The following NUB1 variants were observed in gnomAD, a reference collection of about 807,000 sequenced individuals.
The protein encoded by NUB1 is NEDD8 ultimate buster 1.
NUB1 carries 41 observed loss-of-function variants against 77.1 expected under a neutral mutation model. The ratio of observed to expected loss-of-function variants is 0.53; its 90% CI spans 0.41 to 0.69. NUB1 has a LOEUF of 0.69. Ranked by LOEUF, NUB1 falls within the 30% of genes least tolerant of loss-of-function variation. The pLI, the probability that NUB1 is intolerant of heterozygous loss-of-function variation, is 0.00. For missense variants in NUB1, 643 were observed against 743.8 expected, an observed-to-expected ratio of 0.86 and a Z score of 1.58; for synonymous variants, 257 against 281.0, an observed-to-expected ratio of 0.91 and a Z score of 0.85.
At position 151,368,803 on chromosome 7, in the gene NUB1, T is replaced by A; in HGVS notation, c.1164T>A (p.Phe388Leu). 6.2e-7 allele frequency: 1 copy of A among 1,614,052 alleles called. No individual in the cohort carries two copies. The highest frequency in any genetic ancestry group is 2.2e-5 in the East Asian group (1 of 44,886). The change falls in exon 11 of 15, where the codon TTT becomes TTA. Residue 388 changes from phenylalanine (F) to leucine (L), a missense_variant. Coordinates refer to ENST00000568733, the MANE Select transcript of NUB1 (RefSeq NM_001243351.2). Reference protein sequence around the residue: ...SKVDNLLQLGFTAQEARLGLR... With the variant: ...SKVDNLLQLGLTAQEARLGLR... ...TGGACAATTTGTTGCAGTTGGGGTT[T>A]ACTGCCCAGGAAGCCCGGCTTGGCC...
chr7:151,359,145 A>T (rs558871943), intron 7 of NUB1, among the ~76,000 whole-genome samples: 1 of 151,382 alleles, frequency 6.6e-6, no homozygotes, highest in South Asian at 2.1e-4. Context: ...GATGATTAAG[A>T]ATAGAAAGTG....
At chr7:151,375,197 C>T (rs1798159151) in intron 12 of NUB1, among the ~76,000 whole-genome samples, 1 of 152,182 alleles carries the variant, frequency 6.6e-6, no homozygotes, top group South Asian at 2.1e-4. Context: ...TAACTATGTA[C>T]ATGTATATTT....
intron 5 of NUB1, among the ~76,000 whole-genome samples, chr7:151,354,738 T>C (rs1425880345): frequency 2.0e-5 from 3 of 152,210 alleles, no homozygotes; most frequent in Non-Finnish European, 4.4e-5. Flanking sequence ...GAGCCCATGG[T>C]CTTTGCTTTT....
Position 151,360,230 on chromosome 7 carries a change from C to A in NUB1, c.783C>A (p.Asp261Glu). The change falls in exon 8 of 15, where the codon GAC (aspartate) becomes GAA (glutamate). Residue 261 changes from aspartate to glutamate, a missense_variant. Asp to Glu is a conservative substitution (Grantham distance 45). Transcript: ENST00000568733. Reference sequence around the variant, plus strand: ...GAATAGCCTTGCCATGTCTGTTGGACGCTGACAAATATTTCTGGTAGGCGC... The same window carrying A: ...GAATAGCCTTGCCATGTCTGTTGGAAGCTGACAAATATTTCTGGTAGGCGC... ...EYGIALPCLLDADKYFCECCR... is the reference protein window; with the variant it reads ...EYGIALPCLLEADKYFCECCR... The A allele has an allele frequency of 1.2e-6, 2 of 1,601,398 alleles. No individual in the cohort carries two copies. Among genetic ancestry groups the A allele is most frequent in the Non-Finnish European group, 1.7e-6 (2 of 1,168,630 alleles).
At position 151,376,812 on chromosome 7, in the gene NUB1, G is replaced by T. The variant is rs1563034033; in HGVS notation, c.1669+1G>T. ...GCCACGTCCCCTTCTGACTCCGCAGGTAGGTCTGAGGTCTTTGAGGGCCGC... is the reference window on the plus strand; with the variant it reads ...GCCACGTCCCCTTCTGACTCCGCAGTTAGGTCTGAGGTCTTTGAGGGCCGC... On this transcript the variant is annotated splice_donor_variant, in intron 14 of 14. Coordinates refer to ENST00000568733, the MANE Select transcript of NUB1 (RefSeq NM_001243351.2). LOFTEE classifies it high-confidence loss of function. The T allele has an allele frequency of 1.3e-6, 2 of 1,578,886 alleles. No homozygotes were observed. Among genetic ancestry groups the T allele is most frequent in the African/African-American group, 1.3e-5 (1 of 74,290 alleles).
intron 2 of NUB1, 123 bp downstream of exon 2, chr7:151,345,589 G>A (rs1033578035): frequency 3.6e-5 from 19 of 523,920 alleles, no homozygotes; most frequent in Middle Eastern, 4.9e-4. Flanking sequence ...AGTGGTGAGC[G>A]GGTACCCACT....
At chr7:151,354,449 C>A (rs1796965756) in intron 5 of NUB1, among the ~76,000 whole-genome samples, 1 of 152,024 alleles carries the variant, frequency 6.6e-6, no homozygotes, top group South Asian at 2.1e-4. Flanking sequence ...AATGTGTTCA[C>A]ATTTGTGTTT....
Position 151,368,892 on chromosome 7 carries a change from C to G in NUB1, c.1248+5C>G. ...CATATTACCAACCGCAGAGAGGTAC[C>G]CACTTTCACATGCCCTAGCTCTCTT... is the stretch of plus-strand genomic sequence containing the variant. On this transcript the variant is annotated splice_donor_5th_base_variant and intron_variant, in intron 11 of 14. Transcript: ENST00000568733. 1 of 1,610,290 alleles carries G rather than the reference C, an allele frequency of 6.2e-7. No homozygotes were observed. The highest frequency in any genetic ancestry group is 8.5e-7 in the Non-Finnish European group (1 of 1,178,176).
At chr7:151,364,707 G>A (rs949984874) in intron 8 of NUB1, among the ~76,000 whole-genome samples, 1 of 151,940 alleles carries the variant, frequency 6.6e-6, no homozygotes, top group Non-Finnish European at 1.5e-5. Flanking sequence ...GTAGAAATGG[G>A]GTTTCACCAT....
rs935234436 is a variant in NUB1 at position 151,374,218 on chromosome 7, G to T, written c.1370G>T (p.Ser457Ile). Reference protein sequence around the residue: ...HAAQQVLHAASGNLDEALKIL... With the variant: ...HAAQQVLHAAIGNLDEALKIL... The stretch of plus-strand genomic sequence containing the variant: ...GCCCAGCAGGTACTCCACGCAGCCA[G>T]CGGGAACTTGGATGAGGCCCTGAAG... The change falls in exon 12 of 15, where the codon AGC becomes ATC. Residue 457 changes from serine to isoleucine, a missense_variant. By Grantham distance (142) the Ser-to-Ile change is moderately radical. Transcript: ENST00000568733. 5 of 1,559,646 alleles carry T rather than the reference G, an allele frequency of 3.2e-6. No homozygotes were observed. Among genetic ancestry groups the T allele is most frequent in the Non-Finnish European group, 4.3e-6 (5 of 1,152,030 alleles).
chr7:151,366,758 A>G (rs1797707779), intron 8 of NUB1, among the ~76,000 whole-genome samples, 181 bp from the exon 9 acceptor site: 2 of 152,150 alleles, frequency 1.3e-5, no homozygotes, highest in South Asian at 2.1e-4. Flanking sequence ...CCCCCATTAG[A>G]AGGATGAGAT....
chr7:151,377,229 A>G lies in NUB1; in HGVS notation c.*4A>G, dbSNP rs1563034772. ...GTCAGCAACAAAGAAAAACTAAATAATGAACAGAAATAGCGCTAATTTTCT... is the reference window on the plus strand; with the variant it reads ...GTCAGCAACAAAGAAAAACTAAATAGTGAACAGAAATAGCGCTAATTTTCT... On this transcript the variant is annotated 3_prime_UTR_variant, in exon 15 of 15. Transcript: ENST00000568733. 1 of 1,516,924 alleles carries G rather than the reference A, an allele frequency of 6.6e-7. No individual in the cohort carries two copies. The highest frequency in any genetic ancestry group is 2.3e-5 in the East Asian group (1 of 42,568). The allele number at this position is 1,516,924 out of a possible 1,614,324, so 94.0% of individuals were successfully genotyped here. A position where few individuals can be genotyped will look rare whatever the true frequency, so the allele number is the denominator to read the frequency against.
chr7:151,357,183 ATTT>A (rs59119243), intron 7 of NUB1, among the ~76,000 whole-genome samples: 89,417 of 134,028 alleles, frequency 0.67, 29,724 homozygotes, highest in East Asian at 0.82. Context: ...TGTCCAGCTA[ATTT>A]TTTTTTTTTT....
intron 11 of NUB1, among the ~76,000 whole-genome samples, chr7:151,372,150 C>T (rs1009549655): frequency 1.3e-5 from 2 of 152,352 alleles, no homozygotes; most frequent in East Asian, 3.9e-4. Flanking sequence ...TGAGACGTAG[C>T]CTTCCTAAGA....
At chr7:151,358,786 C>T (rs1054552288) in intron 7 of NUB1, among the ~76,000 whole-genome samples, 9 of 152,228 alleles carry the variant, frequency 5.9e-5, no homozygotes, top group East Asian at 5.8e-4. Context: ...GTTTTGGGGC[C>T]GGGCGCGGTG....
intron 1 of NUB1, among the ~76,000 whole-genome samples, chr7:151,342,886 G>C (rs1796279534): frequency 6.6e-6 from 1 of 152,012 alleles, no homozygotes; most frequent in South Asian, 2.1e-4. Context: ...TGTTGACCAG[G>C]CTGGTCTTGA....
At chr7:151,374,468 G>A (rs1458506454) in intron 12 of NUB1, 2 of 620,142 alleles carry the variant, frequency 3.2e-6, no homozygotes, top group South Asian at 3.8e-5. Flanking sequence ...CCAAAACGTG[G>A]TGCCTGTCCA....
intron 7 of NUB1, among the ~76,000 whole-genome samples, chr7:151,359,549 C>T (rs1231576735): frequency 6.6e-6 from 1 of 152,068 alleles, no homozygotes; most frequent in East Asian, 1.9e-4. Context: ...GAGGCCAAGG[C>T]GGCACATCAC....
rs944562766 is a variant in NUB1 at position 151,359,064 on chromosome 7, C to CA, written c.694-1067dup. Among the ~76,000 whole-genome samples, 87 of 140,408 alleles carry CA rather than the reference C, an allele frequency of 6.2e-4. 2 individuals are homozygous for CA. The East Asian group carries it at 0.012, about 20-fold the overall frequency. 92.1% of individuals were successfully genotyped at this position (140,408 alleles called of 152,430 possible). A position where few individuals can be genotyped will look rare whatever the true frequency, so the allele number is the denominator to read the frequency against. ...TGGAAGACAGAGCGAGACTCTGTCT[C>CA]AAAAAAAAAATAAAATAAAAAAATT... On this transcript the variant is annotated intron_variant, in intron 7 of 14. Transcript: ENST00000568733.
Sources: gnomAD v4.1 joint callset for allele counts (sites outside exome capture counted in the v4.1 genomes callset) on GRCh38, gnomAD v4.1.1 for gene constraint, MANE v1.5 for transcripts, NCBI Gene and HGNC (gene_info 2026-07-23, HGNC 2026-07-21) for gene names.